EHBP1: variants seen among roughly 807,000 people sequenced by gnomAD.
EHBP1 encodes EH domain-binding protein 1.
In EHBP1, 55 loss-of-function variants were observed where a neutral mutation model predicts 144.0. The ratio of observed to expected loss-of-function variants is 0.38; its 90% confidence interval spans 0.31 to 0.48. EHBP1 has a LOEUF of 0.48. Ranked by LOEUF, EHBP1 falls within the 20% of genes least tolerant of loss-of-function variation. The probability of loss-of-function intolerance (pLI) is 0.98; values close to 1 mark genes in which losing one functional copy is unlikely to be tolerated. For missense variants in EHBP1, 1,200 were observed against 1,364.2 expected (o/e 0.88, Z 1.90); for synonymous variants, 469 against 472.7 (o/e 0.99, Z 0.10).
intron 10 of EHBP1, among the ~76,000 whole-genome samples, chr2:62,901,756 A>G (rs910124427): frequency 6.6e-6 from 1 of 152,016 alleles, no homozygotes; most frequent in African/African-American, 2.4e-5. Context: ...ATTTGAGTCC[A>G]GGAGTTCAAG....
chr2:62,921,266 C>T (rs989920187), intron 10 of EHBP1, among the ~76,000 whole-genome samples: 7 of 151,776 alleles, frequency 4.6e-5, no homozygotes, highest in African/African-American at 1.2e-4. Flanking sequence ...GGCAACATAG[C>T]GAAACCCCAT....
intron 2 of EHBP1, among the ~76,000 whole-genome samples, chr2:62,733,439 T>TA (rs1261663288): frequency 1.3e-5 from 2 of 152,154 alleles, no homozygotes; most frequent in African/African-American, 4.8e-5. Context: ...GCCCTACTGA[T>TA]ATGGTGGTAA....
In EHBP1 at chr2:63,045,530, ATT is replaced by A; in HGVS notation, c.*33_*34del. The A allele has an allele frequency of 6.4e-7, 1 of 1,554,144 alleles. No individual in the cohort carries two copies. On this transcript the variant is annotated 3_prime_UTR_variant, in exon 23 of 23. Transcript: ENST00000431489. The surrounding 1 kb of genome is among the most constrained non-coding windows in gnomAD (Gnocchi z 5.7). The stretch of plus-strand genomic sequence containing the variant: ...CAGATCAGAAAGAATCTCTCCCAAC[ATT>A]TTAGAGTCTTGCTTCCCAAACCAGA...
intron 7 of EHBP1, among the ~76,000 whole-genome samples, chr2:62,831,469 A>G (rs1315181109): frequency 6.6e-6 from 1 of 152,228 alleles, no homozygotes; most frequent in Non-Finnish European, 1.5e-5. Context: ...GTAAGTAAAG[A>G]TCTGCCTGTA....
At chr2:63,037,663 C>G (rs776618340) in intron 20 of EHBP1, 29 bp downstream of exon 20, 1 of 1,335,110 alleles carries the variant, frequency 7.5e-7, no homozygotes, top group East Asian at 2.5e-5. Context: ...GCTTGTTTTG[C>G]CTACAACATT....
chr2:62,861,669 G>C (rs981755238), intron 8 of EHBP1, among the ~76,000 whole-genome samples: 2 of 151,434 alleles, frequency 1.3e-5, no homozygotes, highest in Non-Finnish European at 2.9e-5. Flanking sequence ...TTGAACTCAG[G>C]AGACAAAGGT....
intron 6 of EHBP1, among the ~76,000 whole-genome samples, chr2:62,830,214 A>ACG (rs1246618161): frequency 7.3e-5 from 11 of 150,696 alleles, no homozygotes; most frequent in Admixed American, 6.0e-4. Flanking sequence ...ACACATATAC[A>ACG]CACACACACA....
intron 5 of EHBP1, among the ~76,000 whole-genome samples, chr2:62,786,961 G>A (rs1019659565): frequency 2.0e-5 from 3 of 152,152 alleles, no homozygotes; most frequent in South Asian, 4.1e-4. Context: ...CTGAAAATAC[G>A]TTCTCACTTT....
intron 9 of EHBP1, among the ~76,000 whole-genome samples, chr2:62,871,228 C>G (rs2050454389): frequency 6.6e-6 from 1 of 152,182 alleles, no homozygotes; most frequent in African/African-American, 2.4e-5. Flanking sequence ...CTCACACCTG[C>G]TCTCTTATTA....
chr2:62,674,140 T>G, intron 1 of EHBP1: 1 of 471,112 alleles, frequency 2.1e-6, no homozygotes, highest in South Asian at 1.5e-5. Context: ...TCCCCAAATA[T>G]GTCTTTTCTT....
intron 5 of EHBP1, among the ~76,000 whole-genome samples, chr2:62,798,537 C>G (rs2043726825): frequency 6.6e-6 from 1 of 152,120 alleles, no homozygotes; most frequent in Non-Finnish European, 1.5e-5. Flanking sequence ...AGTCGATGAA[C>G]TTGGCTTTTA....
chr2:62,794,872 C>T (rs896735213), intron 5 of EHBP1, among the ~76,000 whole-genome samples: 1 of 152,004 alleles, frequency 6.6e-6, no homozygotes, highest in Admixed American at 6.6e-5. Context: ...GAGCCTAAAA[C>T]ATGTATAAAC....
intron 5 of EHBP1, among the ~76,000 whole-genome samples, chr2:62,809,245 C>G (rs945042668): frequency 6.8e-6 from 1 of 146,330 alleles, no homozygotes; most frequent in Non-Finnish European, 1.5e-5. Context: ...GAGCCAAGAT[C>G]GCGCCATTGC....
chr2:62,690,787 A>T (rs983943134), intron 1 of EHBP1, among the ~76,000 whole-genome samples: 1 of 152,184 alleles, frequency 6.6e-6, no homozygotes, highest in African/African-American at 2.4e-5. Context: ...ATGAAAAAGA[A>T]ATAAGAATCC....
At chr2:62,752,305 C>A (rs1226620987) in intron 3 of EHBP1, among the ~76,000 whole-genome samples, 2 of 152,188 alleles carry the variant, frequency 1.3e-5, no homozygotes, top group African/African-American at 4.8e-5. Context: ...GAGTGAGGTT[C>A]TTAATCCTGA....
intron 19 of EHBP1, among the ~76,000 whole-genome samples, chr2:63,024,032 C>A (rs2060866823): frequency 6.6e-6 from 1 of 151,986 alleles, no homozygotes; most frequent in Non-Finnish European, 1.5e-5. Flanking sequence ...ACCTGTAATC[C>A]AAGCACTTTG....
chr2:62,847,489 A>T (rs1046186685), intron 7 of EHBP1, among the ~76,000 whole-genome samples: 3 of 152,170 alleles, frequency 2.0e-5, no homozygotes, highest in Non-Finnish European at 4.4e-5. Context: ...AGGAAGGAAA[A>T]ATTTGATAGA....
At chr2:63,016,589 C>T (rs537993271) in intron 19 of EHBP1, among the ~76,000 whole-genome samples, 28 of 152,028 alleles carry the variant, frequency 1.8e-4, no homozygotes, top group Admixed American at 6.6e-4. Context: ...CACCACCACG[C>T]CCGACTAATT....
intron 1 of EHBP1, chr2:62,674,175 T>C (rs1360084501): frequency 3.6e-5 from 17 of 470,660 alleles, no homozygotes; most frequent in Non-Finnish European, 5.3e-5. Context: ...AAATGGTCCT[T>C]GATAACCTAG....
Sources: allele counts gnomAD v4.1 joint callset (sites outside exome capture counted in the v4.1 genomes callset), GRCh38; gene constraint gnomAD v4.1.1; non-coding constraint Gnocchi (gnomAD v3.1); transcripts MANE v1.5; gene names NCBI Gene and HGNC (gene_info 2026-07-23, HGNC 2026-07-21).